The following GIPC2 variants were observed in gnomAD, a reference collection of about 807,000 sequenced individuals.
GIPC2 encodes GIPC PDZ domain containing family member 2.
GIPC2 carries 30 observed loss-of-function variants against 30.6 expected under a neutral mutation model. That is an observed-to-expected ratio of 0.98 (90% CI 0.73 to 1.33). GIPC2 has a LOEUF of 1.33. GIPC2 is among the 40% of genes most tolerant of loss of function. GIPC2 has a pLI of 0.00. For synonymous variants in GIPC2, 167 were observed against 150.0 expected (o/e 1.11, Z -0.83); for missense variants, 414 against 390.3 (o/e 1.06, Z -0.51).
At chr1:78,057,577 G>A (rs1013679284) in intron 1 of GIPC2, among the ~76,000 whole-genome samples, 2 of 152,132 alleles carry the variant, frequency 1.3e-5, no homozygotes, top group Non-Finnish European at 2.9e-5. Flanking sequence ...AGGGAAGAAA[G>A]AACTAAAAAC....
At chr1:78,094,196 C>G (rs1046255810) in intron 2 of GIPC2, among the ~76,000 whole-genome samples, 1 of 152,192 alleles carries the variant, frequency 6.6e-6, no homozygotes, top group Non-Finnish European at 1.5e-5. Context: ...GCATCTGTAA[C>G]TAAATGCAGC....
chr1:78,080,902 C>A, intron 2 of GIPC2, 42 bp downstream of exon 2: 1 of 1,194,486 alleles, frequency 8.4e-7, no homozygotes, highest in East Asian at 2.6e-5. Context: ...TTGAGGATAA[C>A]ATTTAAGAAA....
intron 1 of GIPC2, among the ~76,000 whole-genome samples, chr1:78,056,027 T>A (rs2102637646): frequency 6.6e-6 from 1 of 152,314 alleles, no homozygotes; most frequent in South Asian, 2.1e-4. Context: ...TTGCAGGTCA[T>A]TACCTGAAGC....
intron 2 of GIPC2, among the ~76,000 whole-genome samples, chr1:78,090,169 T>C (rs1027121675): frequency 2.0e-5 from 3 of 152,180 alleles, no homozygotes; most frequent in Non-Finnish European, 4.4e-5. Flanking sequence ...AGAATAGACT[T>C]GTACTTTAAT....
At chr1:78,135,008 C>T (rs1478799648) in intron 5 of GIPC2, among the ~76,000 whole-genome samples, 1 of 152,180 alleles carries the variant, frequency 6.6e-6, no homozygotes, top group African/African-American at 2.4e-5. Context: ...CCGCCACTTT[C>T]ATGTTCTATC....
At chr1:78,047,661 T>A (rs1444503677) in intron 1 of GIPC2, among the ~76,000 whole-genome samples, 10 of 152,196 alleles carry the variant, frequency 6.6e-5, no homozygotes, top group African/African-American at 2.4e-4. Context: ...TGAATGAGTT[T>A]AACTTCTCTC....
At chr1:78,045,601 C>G, upstream of GIPC2, 1 of 985,434 alleles carries the variant, frequency 1.0e-6, no homozygotes, top group Non-Finnish European at 1.2e-6. Flanking sequence ...TTCTGCCCTG[C>G]AGAGCGTAAG....
chr1:78,053,887 T>C (rs1661242192), intron 1 of GIPC2, among the ~76,000 whole-genome samples: 1 of 151,732 alleles, frequency 6.6e-6, no homozygotes, highest in Non-Finnish European at 1.5e-5. Flanking sequence ...ATGATTGTGC[T>C]GCTACACTCC....
At chr1:78,099,827 AG>A (rs112441418) in intron 3 of GIPC2, among the ~76,000 whole-genome samples, 4,727 of 151,678 alleles carry the variant, frequency 0.031, 189 homozygotes, top group African/African-American at 0.081. Context: ...AGGTTGTCCT[AG>A]GAAGTGGGAA....
intron 3 of GIPC2, among the ~76,000 whole-genome samples, chr1:78,113,609 G>A (rs1462901264): frequency 2.0e-5 from 3 of 152,078 alleles, no homozygotes; most frequent in Admixed American, 6.6e-5. Flanking sequence ...GGCTGGTCTC[G>A]AATTCCTGGG....
chr1:78,124,695 T>C (rs577245647), intron 4 of GIPC2, among the ~76,000 whole-genome samples: 1 of 152,300 alleles, frequency 6.6e-6, no homozygotes, highest in South Asian at 2.1e-4. Context: ...CCTGCTTATC[T>C]CCTCTTCATC....
At chr1:78,082,679 C>T (rs956644239) in intron 2 of GIPC2, among the ~76,000 whole-genome samples, 4 of 152,202 alleles carry the variant, frequency 2.6e-5, no homozygotes, top group African/African-American at 7.2e-5. Flanking sequence ...GTACTAGTCA[C>T]TAGCCCTGTG....
chr1:78,111,847 TG>T (rs1662471131), intron 3 of GIPC2, among the ~76,000 whole-genome samples: 2 of 152,248 alleles, frequency 1.3e-5, no homozygotes, highest in Admixed American at 1.3e-4. Flanking sequence ...GGTGAGGAAC[TG>T]GGGTTTTAAC....
At chr1:78,135,496 ATG>A in intron 5 of GIPC2, 94 bp from the exon 6 acceptor site, 1 of 677,946 alleles carries the variant, frequency 1.5e-6, no homozygotes, top group Non-Finnish European at 2.5e-6. Context: ...ATATTTATGC[ATG>A]TTACTTTTAG....
At chr1:78,073,403 C>CT (rs1661660194) in intron 1 of GIPC2, among the ~76,000 whole-genome samples, 1 of 152,128 alleles carries the variant, frequency 6.6e-6, no homozygotes, top group Admixed American at 6.5e-5. Flanking sequence ...TGCACCCAGA[C>CT]TTTCTCTTTA....
chr1:78,104,593 A>T (rs974629791), intron 3 of GIPC2, among the ~76,000 whole-genome samples: 3 of 152,178 alleles, frequency 2.0e-5, no homozygotes, highest in African/African-American at 7.2e-5. Context: ...TTCAAAGGAA[A>T]TAAAAAGTGT....
chr1:78,091,605 C>T (rs373642619), intron 2 of GIPC2: 2 of 764,556 alleles, frequency 2.6e-6, no homozygotes, highest in Middle Eastern at 2.7e-4. Context: ...TTCGGGAATG[C>T]GTTCGTCGTG....
At position 78,080,703 on chromosome 1, in the gene GIPC2, A is replaced by C. The variant is rs1210529684; in HGVS notation, c.269A>C (p.Lys90Thr). 2 of 1,607,928 alleles carry C rather than the reference A, an allele frequency of 1.2e-6. No individual in the cohort carries two copies. The highest frequency in any genetic ancestry group is 2.7e-5 in the African/African-American group (2 of 74,724). ...EILYCTLNTP[K>T]IDMERLLGGQ... The stretch of plus-strand genomic sequence containing the variant: ...TTATATTGCACTTTAAACACACCTA[A>C]AATTGACATGGAAAGACTCTTAGGA... The change falls in exon 2 of 6, where the codon AAA becomes ACA. Residue 90 changes from lysine to threonine, a missense_variant. Lys to Thr is a moderately conservative substitution (Grantham distance 78). Coordinates refer to ENST00000370759, the MANE Select transcript of GIPC2 (RefSeq NM_017655.6).
At chr1:78,046,384 G>T in intron 1 of GIPC2, 50 bp downstream of exon 1, 1 of 1,488,970 alleles carries the variant, frequency 6.7e-7, no homozygotes, top group Non-Finnish European at 9.2e-7. Flanking sequence ...GCGCCGCGCC[G>T]CGCCGCGCGT....
Sources: allele counts gnomAD v4.1 joint callset (sites outside exome capture counted in the v4.1 genomes callset), GRCh38; gene constraint gnomAD v4.1.1; transcripts MANE v1.5; gene names NCBI Gene and HGNC (gene_info 2026-07-23, HGNC 2026-07-21).